Variants in NFATC1 observed in about 807,000 individuals in gnomAD.
NFATC1 encodes nuclear factor of activated T-cells, cytoplasmic 1.
NFATC1 carries 22 observed loss-of-function variants against 76.0 expected under a neutral mutation model. That is an observed-to-expected ratio of 0.29 (90% CI 0.21 to 0.41). The LOEUF (loss-of-function observed/expected upper bound fraction) is 0.41, where lower values mean the gene tolerates loss of function less well. Among genes scored for constraint, NFATC1 ranks in the 10% least tolerant of loss-of-function variants. The pLI, the probability that NFATC1 is intolerant of heterozygous loss-of-function variation, is 1.00. For missense variants in NFATC1, 1,357 were observed against 1,337.7 expected (o/e 1.01, Z -0.23); for synonymous variants, 704 against 613.1 (o/e 1.15, Z -2.19).
chr18:79,503,569 G>T (rs780277794), intron 9 of NFATC1, among the ~76,000 whole-genome samples: 3 of 152,272 alleles, frequency 2.0e-5, no homozygotes, highest in East Asian at 3.9e-4. Flanking sequence ...CATGGGTGGC[G>T]CACAGGCAGA....
At chr18:79,407,670 T>C (rs2085489016) in intron 1 of NFATC1, among the ~76,000 whole-genome samples, 2 of 152,146 alleles carry the variant, frequency 1.3e-5, no homozygotes, top group Admixed American at 6.6e-5. Flanking sequence ...GTCTTGAACT[T>C]CTGACCTCAG....
In NFATC1 at chr18:79,410,736, C is replaced by G; in HGVS notation, c.461C>G (p.Thr154Arg). ...CCTAGCTCCAAACGGTCCCCCTCCA[C>G]GGCCACGCTGAGTCTGCCCAGCCTG... ...VLPSSKRSPSTATLSLPSLEA... is the reference protein window; with the variant it reads ...VLPSSKRSPSRATLSLPSLEA... Residue 154 changes from threonine (T) to arginine (R), a missense_variant, in exon 2 of 10, where the codon ACG becomes AGG. Physicochemically the swap from Thr to Arg is moderately conservative, Grantham distance 71 (BLOSUM62 -1). Transcript: ENST00000427363. The surrounding 1 kb of genome is among the most constrained non-coding windows in gnomAD (Gnocchi z 6.7). 1 of 1,613,064 alleles carries G rather than the reference C, an allele frequency of 6.2e-7. No homozygotes were observed. The highest frequency in any genetic ancestry group is 8.5e-7 in the Non-Finnish European group (1 of 1,180,008).
In NFATC1 at chr18:79,396,232, G is replaced by A. The variant is rs1197394580; in HGVS notation, c.8G>A (p.Ser3Asn). ...CCCGCCGCCGCCGCGCGGATGCCAAGCACCAGCTTTCCAGTCCCTTCCAAG... is the reference window on the plus strand; with the variant it reads ...CCCGCCGCCGCCGCGCGGATGCCAAACACCAGCTTTCCAGTCCCTTCCAAG... MP[S>N]TSFPVPSKFP... Residue 3 changes from serine to asparagine, a missense_variant, in exon 1 of 10, where the codon AGC becomes AAC. Physicochemically the swap from Ser to Asn is conservative, Grantham distance 46 (BLOSUM62 1). Transcript: ENST00000427363. 4 of 1,491,462 alleles carry A rather than the reference G, an allele frequency of 2.7e-6. No homozygotes were observed. Among genetic ancestry groups the A allele is most frequent in the Non-Finnish European group, 3.6e-6 (4 of 1,113,234 alleles). 92.4% of individuals were successfully genotyped at this position (1,491,462 alleles called of 1,614,324 possible). A position where few individuals can be genotyped will look rare whatever the true frequency, so the allele number is the denominator to read the frequency against.
chr18:79,424,778 TCTCTCTGTCTCTGA>T (rs2086233287), intron 2 of NFATC1, among the ~76,000 whole-genome samples: 1 of 136,002 alleles, frequency 7.4e-6, no homozygotes, highest in Non-Finnish European at 1.7e-5. Context: ...TCTCTCTCTG[TCTCTCTGTCTCTGA>T]CTCTCTGTGT....
intron 8 of NFATC1, among the ~76,000 whole-genome samples, chr18:79,479,982 G>T (rs1049851558): frequency 2.6e-5 from 4 of 152,190 alleles, no homozygotes; most frequent in African/African-American, 9.7e-5. Context: ...GAGAAGCCGC[G>T]TGGAGACCCC....
chr18:79,485,370 G>A (rs1194581473), intron 8 of NFATC1, among the ~76,000 whole-genome samples: 4 of 152,256 alleles, frequency 2.6e-5, no homozygotes, highest in Non-Finnish European at 5.9e-5. Flanking sequence ...TAAGTAGCAC[G>A]AGAGGCCTGA....
At chr18:79,439,417 G>GA (rs34221359) in intron 3 of NFATC1, among the ~76,000 whole-genome samples, 15,973 of 152,230 alleles carry the variant, frequency 0.1, 1,114 homozygotes, top group Non-Finnish European at 0.15. Flanking sequence ...GTGCAGGTCT[G>GA]ACCACAAAAC....
intron 3 of NFATC1, among the ~76,000 whole-genome samples, chr18:79,442,710 A>G (rs1292494989): frequency 2.0e-5 from 3 of 151,982 alleles, no homozygotes; most frequent in Non-Finnish European, 4.4e-5. Flanking sequence ...CCTCCTGGGG[A>G]GCTTCTGCTC....
chr18:79,462,330 A>T (rs1044226424), intron 7 of NFATC1, among the ~76,000 whole-genome samples: 1 of 151,880 alleles, frequency 6.6e-6, no homozygotes, highest in African/African-American at 2.4e-5. Flanking sequence ...TTAGGTCTTT[A>T]GTTTTGTTTG....
chr18:79,515,093 C>A (rs549308864), intron 9 of NFATC1, among the ~76,000 whole-genome samples: 1 of 152,046 alleles, frequency 6.6e-6, no homozygotes, highest in South Asian at 2.1e-4. Context: ...ACCTGTAATC[C>A]CAGCACTTTG....
Position 79,448,802 on chromosome 18 carries a change from T to G in NFATC1, c.1407T>G (p.Asn469Lys). 6.2e-7 allele frequency: 1 copy of G among 1,613,722 alleles called. No individual in the cohort carries two copies. Among genetic ancestry groups the G allele is most frequent in the South Asian group, 1.1e-5 (1 of 91,084 alleles). The change falls in exon 4 of 10, where the codon AAT becomes AAG. Residue 469 changes from asparagine to lysine, a missense_variant. Physicochemically the swap from Asn to Lys is moderately conservative, Grantham distance 94. Coordinates refer to ENST00000427363, the MANE Select transcript of NFATC1 (RefSeq NM_001278669.2). ...GCCAGCTGCATGGCTACTTGGAGAA[T>G]GAGCCGCTGATGCTGCAGCTTTTCA... ...PIVQLHGYLE[N>K]EPLMLQLFIG...
At position 79,491,108 on chromosome 18, in the gene NFATC1, C is replaced by CAGGCT. The variant is rs527423897; in HGVS notation, c.2782+4175_2782+4179dup. ...GATGGGGACAGCGGGAGAGGGAAGGCAGGCTAGGGTGAATGTGGGTAGTCC... is the reference window on the plus strand; with the variant it reads ...GATGGGGACAGCGGGAGAGGGAAGGCAGGCTAGGCTAGGGTGAATGTGGGTAGTCC... On this transcript the variant is annotated intron_variant, in intron 9 of 9. Coordinates refer to ENST00000427363, the MANE Select transcript of NFATC1 (RefSeq NM_001278669.2). 3.8e-3 allele frequency among the ~76,000 whole-genome samples: 579 copies of CAGGCT among 152,252 alleles called. 4 individuals are homozygous for CAGGCT. The highest frequency in any genetic ancestry group is 0.014 in the African/African-American group (561 of 41,538).
intron 1 of NFATC1, among the ~76,000 whole-genome samples, chr18:79,397,286 G>A (rs1446843210): frequency 2.0e-5 from 3 of 152,248 alleles, no homozygotes; most frequent in African/African-American, 7.2e-5. Context: ...TTCCTTACCA[G>A]CTCTGAAATA....
At chr18:79,506,709 GTTAC>G (rs1447410832) in intron 9 of NFATC1, among the ~76,000 whole-genome samples, 1 of 152,160 alleles carries the variant, frequency 6.6e-6, no homozygotes, top group Non-Finnish European at 1.5e-5. Flanking sequence ...GTGCTTCCCA[GTTAC>G]TTATTGTGTT....
chr18:79,467,976 G>A, intron 8 of NFATC1: 2 of 1,015,498 alleles, frequency 2.0e-6, no homozygotes, highest in Non-Finnish European at 2.4e-6. Flanking sequence ...GGCACCTTTA[G>A]GAATAAACTT....
At chr18:79,494,155 A>G (rs1388223182) in intron 9 of NFATC1, among the ~76,000 whole-genome samples, 1 of 152,230 alleles carries the variant, frequency 6.6e-6, no homozygotes, top group Non-Finnish European at 1.5e-5. Context: ...ACTCGCTGCC[A>G]CCTGGTCTCA....
chr18:79,432,442 G>A (rs8091962), intron 2 of NFATC1, among the ~76,000 whole-genome samples: 21,360 of 92,788 alleles, frequency 0.23, 2,214 homozygotes, highest in East Asian at 0.4. Flanking sequence ...GCCCTGGACT[G>A]CCTCTGCCCA....
chr18:79,436,649 C>T (rs1011782606), intron 3 of NFATC1, among the ~76,000 whole-genome samples: 1 of 152,200 alleles, frequency 6.6e-6, no homozygotes. Context: ...AGGAAGCATT[C>T]GGAGCATGGA....
chr18:79,473,553 T>C (rs942053320), intron 8 of NFATC1, among the ~76,000 whole-genome samples: 1 of 143,216 alleles, frequency 7.0e-6, no homozygotes, highest in African/African-American at 2.7e-5. Flanking sequence ...GACGTAAACC[T>C]GAGGGAAGCG....
Sources: gnomAD v4.1 joint callset for allele counts (sites outside exome capture counted in the v4.1 genomes callset) on GRCh38, gnomAD v4.1.1 for gene constraint, Gnocchi (gnomAD v3.1) non-coding constraint, MANE v1.5 for transcripts, NCBI Gene and HGNC (gene_info 2026-07-23, HGNC 2026-07-21) for gene names.